The following ADAM12 variants were observed in gnomAD, a reference collection of about 807,000 sequenced individuals.
ADAM12 encodes disintegrin and metalloproteinase domain-containing protein 12.
Under a neutral mutation model 106.4 loss-of-function variants are expected in ADAM12, and 70 were observed. That is an observed-to-expected ratio of 0.66 (90% CI 0.54 to 0.80). The LOEUF (loss-of-function observed/expected upper bound fraction) is 0.80, where lower values mean the gene tolerates loss of function less well. Ranked by LOEUF, ADAM12 falls within the 30% of genes least tolerant of loss-of-function variation. The pLI is 0.00. For synonymous variants in ADAM12, 420 were observed against 433.5 expected, an observed-to-expected ratio of 0.97 and a Z score of 0.39; for missense variants, 1,010 against 1,171.9, an observed-to-expected ratio of 0.86 and a Z score of 2.02.
chr10:126,017,166 AATG>A lies in ADAM12; in HGVS notation c.*110_*112del, dbSNP rs552636543. The A allele has an allele frequency of 1.2e-5, 11 of 938,906 alleles. No homozygotes were observed. The highest frequency in any genetic ancestry group is 1.8e-5 in the Non-Finnish European group (11 of 617,200). 58.2% of individuals were successfully genotyped at this position (938,906 alleles called of 1,614,324 possible). A position where few individuals can be genotyped will look rare whatever the true frequency, so the allele number is the denominator to read the frequency against. On this transcript the variant is annotated 3_prime_UTR_variant, in exon 23 of 23. Coordinates refer to ENST00000448723, the MANE Select transcript of ADAM12 (RefSeq NM_001288973.2). ...GGCAGTAGCTCAAAGTTCTTATAGT[AATG>A]ATGTTTTAAACATTAAAAAAAATCC...
chr10:126,259,788 A>G (rs7098510), intron 3 of ADAM12, among the ~76,000 whole-genome samples: 117,311 of 152,144 alleles, frequency 0.77, 45,921 homozygotes, highest in East Asian at 0.85. Context: ...AAGTTCCAAA[A>G]CGCTCAGTAA....
At chr10:126,124,802 G>A (rs149520319) in intron 5 of ADAM12, among the ~76,000 whole-genome samples, 5 of 145,094 alleles carry the variant, frequency 3.4e-5, no homozygotes, top group African/African-American at 1.3e-4. Flanking sequence ...TGAGGTAGGA[G>A]AATCACTTGA....
chr10:126,313,872 C>T (rs1189722857), intron 2 of ADAM12, among the ~76,000 whole-genome samples: 1 of 151,982 alleles, frequency 6.6e-6, no homozygotes, highest in East Asian at 1.9e-4. Flanking sequence ...GTGGAAGAAA[C>T]AAAGAATAAT....
chr10:126,223,159 T>C (rs1280735770), intron 3 of ADAM12, among the ~76,000 whole-genome samples: 1 of 152,206 alleles, frequency 6.6e-6, no homozygotes, highest in Admixed American at 6.5e-5. Flanking sequence ...TAGGATACAA[T>C]TTGGGGGAAG....
intron 5 of ADAM12, among the ~76,000 whole-genome samples, chr10:126,132,268 C>T (rs1005966804): frequency 3.9e-5 from 6 of 152,174 alleles, no homozygotes; most frequent in Non-Finnish European, 7.3e-5. Context: ...CCACCGCGCC[C>T]CCGGGCAGCT....
At chr10:126,073,331 G>A (rs113593231) in intron 11 of ADAM12, among the ~76,000 whole-genome samples, 19,270 of 152,000 alleles carry the variant, frequency 0.13, 1,573 homozygotes, top group African/African-American at 0.22. Flanking sequence ...CAGGTGATCT[G>A]CCCGCCTCGG....
At chr10:126,171,520 G>A (rs959765683) in intron 3 of ADAM12, among the ~76,000 whole-genome samples, 1 of 152,192 alleles carries the variant, frequency 6.6e-6, no homozygotes, top group South Asian at 2.1e-4. Flanking sequence ...AAAGCTGCTG[G>A]CATTAGGCAA....
At chr10:126,111,536 C>T (rs1230228761) in intron 6 of ADAM12, among the ~76,000 whole-genome samples, 2 of 152,130 alleles carry the variant, frequency 1.3e-5, no homozygotes, top group Non-Finnish European at 2.9e-5. Flanking sequence ...ACTAATCTCT[C>T]ATTGAAAAGC....
intron 22 of ADAM12, among the ~76,000 whole-genome samples, chr10:126,017,800 CAG>C (rs530243073): frequency 1.2e-4 from 18 of 152,254 alleles, no homozygotes; most frequent in Admixed American, 5.2e-4. Context: ...CTCCAGAGAA[CAG>C]GGAGCAAAGG....
At chr10:126,198,954 A>G (rs771622891) in intron 3 of ADAM12, among the ~76,000 whole-genome samples, 4 of 152,200 alleles carry the variant, frequency 2.6e-5, no homozygotes, top group Non-Finnish European at 5.9e-5. Flanking sequence ...TTTTATTACC[A>G]CTATCTGATA....
At chr10:126,321,391 T>C (rs1451334141) in intron 2 of ADAM12, among the ~76,000 whole-genome samples, 7 of 152,156 alleles carry the variant, frequency 4.6e-5, no homozygotes, top group Middle Eastern at 3.4e-3. Context: ...CCCGATTCAA[T>C]AAAAACAATT....
At chr10:126,021,675 G>C (rs1327070669) in intron 21 of ADAM12, among the ~76,000 whole-genome samples, 1 of 152,102 alleles carries the variant, frequency 6.6e-6, no homozygotes, top group Non-Finnish European at 1.5e-5. Context: ...TATTCAACCA[G>C]TTCCACATAC....
intron 14 of ADAM12, among the ~76,000 whole-genome samples, chr10:126,059,677 C>T (rs1299423916): frequency 6.6e-6 from 1 of 152,234 alleles, no homozygotes; most frequent in Non-Finnish European, 1.5e-5. Context: ...TCAGCTCACA[C>T]TGCAGAAACC....
intron 3 of ADAM12, among the ~76,000 whole-genome samples, chr10:126,187,816 C>T (rs1957427528): frequency 6.6e-6 from 1 of 152,202 alleles, no homozygotes; most frequent in African/African-American, 2.4e-5. Flanking sequence ...TTTTGAAGAC[C>T]TCCTTATGTT....
chr10:126,182,683 T>C (rs748768613), intron 3 of ADAM12, among the ~76,000 whole-genome samples: 2 of 152,124 alleles, frequency 1.3e-5, no homozygotes, highest in Non-Finnish European at 2.9e-5. Flanking sequence ...ATATTGATCA[T>C]GGTGGGGCAG....
intron 1 of ADAM12, among the ~76,000 whole-genome samples, chr10:126,368,061 GTA>G: frequency 6.6e-6 from 1 of 151,936 alleles, no homozygotes; most frequent in Middle Eastern, 3.4e-3. Flanking sequence ...GTACATAAAT[GTA>G]TATGTGTGCA....
chr10:126,307,128 A>C (rs1351390302), intron 2 of ADAM12, among the ~76,000 whole-genome samples: 1 of 152,168 alleles, frequency 6.6e-6, no homozygotes, highest in Non-Finnish European at 1.5e-5. Context: ...TTTCCATTCC[A>C]ATGAGTACTT....
At position 126,383,544 on chromosome 10, in the gene ADAM12, TA is replaced by T. The variant is rs145768430; in HGVS notation, c.88+4513del. On this transcript the variant is annotated intron_variant, in intron 1 of 22. Coordinates refer to ENST00000448723, the MANE Select transcript of ADAM12 (RefSeq NM_001288973.2). ...TAACAATTACTGATAAGAGCATTGC[TA>T]AAGCACATAATCATAAAACGCAAAA... Among the ~76,000 whole-genome samples the T allele has an allele frequency of 9.4e-3, 1,436 of 152,094 alleles. 20 individuals are homozygous for T. Among genetic ancestry groups the T allele is most frequent in the African/African-American group, 0.033 (1,366 of 41,502 alleles).
intron 10 of ADAM12, among the ~76,000 whole-genome samples, chr10:126,097,914 G>A (rs543594440): frequency 7.2e-5 from 11 of 152,184 alleles, no homozygotes; most frequent in Non-Finnish European, 1.6e-4. Flanking sequence ...CCAAGAATAA[G>A]GTTATTTTAA....
Sources: gnomAD v4.1 joint callset for allele counts (sites outside exome capture counted in the v4.1 genomes callset) on GRCh38, gnomAD v4.1.1 for gene constraint, MANE v1.5 for transcripts, NCBI Gene and HGNC (gene_info 2026-07-23, HGNC 2026-07-21) for gene names.